The following ITSN1 variants were observed in gnomAD, a reference collection of about 807,000 sequenced individuals.
ITSN1 encodes intersectin 1.
In ITSN1, 58 loss-of-function variants were observed where a neutral mutation model predicts 239.8. That is an observed-to-expected ratio of 0.24 (90% confidence interval 0.20 to 0.30). The LOEUF (loss-of-function observed/expected upper bound fraction) is 0.30. Among genes scored for constraint, ITSN1 ranks in the 10% least tolerant of loss-of-function variants. ITSN1 has a pLI of 1.00. For missense variants in ITSN1, 1,558 were observed against 2,103.3 expected (o/e 0.74, Z 5.07); for synonymous variants, 780 against 770.8 (o/e 1.01, Z -0.20).
intron 1 of ITSN1, among the ~76,000 whole-genome samples, chr21:33,661,312 G>T (rs1285722981): frequency 6.6e-6 from 1 of 152,034 alleles, no homozygotes; most frequent in Non-Finnish European, 1.5e-5. Flanking sequence ...ATTGTTGTTT[G>T]GTGTAGCACA....
At chr21:33,879,480 G>A (rs971295627) in intron 34 of ITSN1, among the ~76,000 whole-genome samples, 2 of 152,190 alleles carry the variant, frequency 1.3e-5, no homozygotes, top group African/African-American at 2.4e-5. Flanking sequence ...AGGCCCAGCC[G>A]AGGAAGGCCT....
intron 25 of ITSN1, among the ~76,000 whole-genome samples, chr21:33,824,203 G>A (rs929125516): frequency 3.9e-5 from 6 of 152,192 alleles, no homozygotes; most frequent in Non-Finnish European, 7.3e-5. Context: ...TTTAAGTGCT[G>A]TTATCCGTAT....
At chr21:33,664,275 G>T (rs1476767963) in intron 1 of ITSN1, among the ~76,000 whole-genome samples, 1 of 152,184 alleles carries the variant, frequency 6.6e-6, no homozygotes, top group Admixed American at 6.5e-5. Flanking sequence ...GAAGAAACTG[G>T]AATCCTCATA....
chr21:33,807,483 A>G (rs1241205494), intron 20 of ITSN1, among the ~76,000 whole-genome samples: 1 of 152,124 alleles, frequency 6.6e-6, no homozygotes, highest in Non-Finnish European at 1.5e-5. Flanking sequence ...AATTACAGGC[A>G]TGTGCCACCA....
At chr21:33,814,472 GT>G (rs905200014) in intron 22 of ITSN1, 6 of 173,858 alleles carry the variant, frequency 3.5e-5, no homozygotes, top group South Asian at 1.6e-4. Context: ...AGACCATTGA[GT>G]TTTTTTTGGA....
intron 18 of ITSN1, 104 bp from the exon 19 acceptor site, chr21:33,799,704 T>C (rs1477861027): frequency 7.9e-7 from 1 of 1,263,486 alleles, no homozygotes; most frequent in Admixed American, 2.0e-5. Flanking sequence ...GTTCAGAGGT[T>C]AAGATAGGCA....
At chr21:33,760,311 A>T (rs972660137) in intron 8 of ITSN1, among the ~76,000 whole-genome samples, 13 of 152,124 alleles carry the variant, frequency 8.5e-5, no homozygotes, top group African/African-American at 3.1e-4. Context: ...AGTCTAAAAG[A>T]GAGGCAAATA....
intron 1 of ITSN1, among the ~76,000 whole-genome samples, chr21:33,650,952 C>G (rs886820132): frequency 6.6e-6 from 1 of 152,212 alleles, no homozygotes; most frequent in Non-Finnish European, 1.5e-5. Flanking sequence ...TTTTAATATT[C>G]TTTAAATGAT....
chr21:33,868,859 T>A (rs1262452976), intron 33 of ITSN1, among the ~76,000 whole-genome samples: 1 of 152,154 alleles, frequency 6.6e-6, no homozygotes, highest in East Asian at 1.9e-4. Context: ...CTGTGAGGAC[T>A]GCCAGCACGC....
At chr21:33,666,377 C>T (rs1490411017) in intron 1 of ITSN1, among the ~76,000 whole-genome samples, 1 of 152,164 alleles carries the variant, frequency 6.6e-6, no homozygotes. Flanking sequence ...TGCACAACTT[C>T]ATGATTGTCT....
chr21:33,685,482 A>C lies in ITSN1; in HGVS notation c.-32-33315A>C, dbSNP rs1004750515. Among the ~76,000 whole-genome samples the C allele has an allele frequency of 7.2e-5, 11 of 152,246 alleles. No homozygotes were observed. In the East Asian group the frequency reaches 1.9e-3, roughly 27 times the overall value. ...TTAGATGTATTGGGTATATTTAGGA[A>C]GTACCCCTTCAACGCTGTAATAATA... is the stretch of plus-strand genomic sequence containing the variant. On this transcript the variant is annotated intron_variant, in intron 1 of 39. Coordinates refer to ENST00000381318, the MANE Select transcript of ITSN1 (RefSeq NM_003024.3).
At chr21:33,728,548 G>C (rs1156753740) in intron 4 of ITSN1, among the ~76,000 whole-genome samples, 1 of 152,006 alleles carries the variant, frequency 6.6e-6, no homozygotes, top group African/African-American at 2.4e-5. Context: ...TCTTTAAATG[G>C]GCCAGGTTTC....
intron 31 of ITSN1, among the ~76,000 whole-genome samples, chr21:33,860,806 G>A (rs754421399): frequency 2.0e-5 from 3 of 152,188 alleles, no homozygotes; most frequent in Non-Finnish European, 4.4e-5. Context: ...CCAAGTTTTT[G>A]TCTGGGCTCC....
chr21:33,726,827 G>T (rs998976094), intron 4 of ITSN1, among the ~76,000 whole-genome samples: 1 of 152,204 alleles, frequency 6.6e-6, no homozygotes, highest in African/African-American at 2.4e-5. Flanking sequence ...CAGCAAAGAA[G>T]AGAAGTTTGG....
At chr21:33,887,025 A>G (rs143416062) in intron 39 of ITSN1, among the ~76,000 whole-genome samples, 1 of 152,240 alleles carries the variant, frequency 6.6e-6, no homozygotes, top group East Asian at 1.9e-4. Flanking sequence ...CCTCAACCCA[A>G]TAAAAATCAC....
intron 5 of ITSN1, among the ~76,000 whole-genome samples, chr21:33,737,727 C>T (rs2066591149): frequency 6.6e-6 from 1 of 152,018 alleles, no homozygotes; most frequent in African/African-American, 2.4e-5. Flanking sequence ...GGACATGCCG[C>T]AACACCCAGC....
At position 33,847,383 on chromosome 21, in the gene ITSN1, T is replaced by C. The variant is rs112937498; in HGVS notation, c.3662-9353T>C. On this transcript the variant is annotated intron_variant, in intron 29 of 39. Coordinates refer to ENST00000381318, the MANE Select transcript of ITSN1 (RefSeq NM_003024.3). ...ACCTCTCAGCCTGATCTTGCAGGCA[T>C]CTGCTGAGAGAGAAAAGCTTAAGGA... 6.1e-3 allele frequency among the ~76,000 whole-genome samples: 933 copies of C among 152,332 alleles called. 10 individuals are homozygous for C. Among genetic ancestry groups the C allele is most frequent in the African/African-American group, 0.021 (879 of 41,590 alleles).
intron 1 of ITSN1, among the ~76,000 whole-genome samples, chr21:33,660,322 T>C (rs1377535203): frequency 6.6e-6 from 1 of 152,230 alleles, no homozygotes; most frequent in Non-Finnish European, 1.5e-5. Context: ...AACCCTTGTG[T>C]CCTCTTAAGT....
At chr21:33,698,691 C>T (rs746918284) in intron 1 of ITSN1, among the ~76,000 whole-genome samples, 3 of 152,126 alleles carry the variant, frequency 2.0e-5, no homozygotes, top group Admixed American at 6.6e-5. Flanking sequence ...TTTTTTGTCT[C>T]GCTTTCAGTA....
Sources: allele counts gnomAD v4.1 joint callset (sites outside exome capture counted in the v4.1 genomes callset), GRCh38; gene constraint gnomAD v4.1.1; transcripts MANE v1.5; gene names NCBI Gene and HGNC (gene_info 2026-07-23, HGNC 2026-07-21).